The following POLR3F variants were observed in gnomAD, a reference collection of about 807,000 sequenced individuals.
POLR3F encodes DNA-directed RNA polymerase III subunit RPC6.
In POLR3F, 31 loss-of-function variants were observed where a neutral mutation model predicts 43.6. The ratio of observed to expected loss-of-function variants is 0.71; its 90% CI spans 0.53 to 0.96. POLR3F has a LOEUF of 0.96. POLR3F is among the 40% of genes least tolerant of loss of function. The pLI, the probability that POLR3F is intolerant of heterozygous loss-of-function variation, is 0.00. For missense variants in POLR3F, 316 were observed against 391.7 expected (o/e 0.81, Z 1.63); for synonymous variants, 114 against 132.5 (o/e 0.86, Z 0.96).
At chr20:18,479,926 G>A in intron 5 of POLR3F, 112 bp from the exon 6 acceptor site, 1 of 712,984 alleles carries the variant, frequency 1.4e-6, no homozygotes, top group Non-Finnish European at 2.3e-6. Context: ...GGAGCTCTGT[G>A]TACTATCTTT....
intron 5 of POLR3F, among the ~76,000 whole-genome samples, chr20:18,477,897 T>C (rs1271698466): frequency 6.6e-6 from 1 of 150,418 alleles, no homozygotes; most frequent in African/African-American, 2.5e-5. Context: ...AAGTTTTTAT[T>C]AGGGTTTCAT....
chr20:18,482,674 C>CT (rs2059816960), intron 8 of POLR3F, among the ~76,000 whole-genome samples: 1 of 152,164 alleles, frequency 6.6e-6, no homozygotes, highest in Non-Finnish European at 1.5e-5. Flanking sequence ...GCTCTAGGCA[C>CT]TAAGGATACA....
intron 4 of POLR3F, 33 bp from the exon 5 acceptor site, chr20:18,475,042 G>T (rs1223999108): frequency 2.3e-6 from 2 of 866,480 alleles, no homozygotes; most frequent in South Asian, 2.9e-5. Context: ...ATGAAAACCA[G>T]AGTTCAACTT....
In POLR3F at chr20:18,481,772, C is replaced by T; in HGVS notation, c.835C>T (p.Pro279Ser). The T allele has an allele frequency of 6.2e-7, 1 of 1,613,840 alleles. No homozygotes were observed. The highest frequency in any genetic ancestry group is 8.5e-7 in the Non-Finnish European group (1 of 1,179,758). Reference protein sequence around the residue: ...LYRAVNPIIPPTGLVRAPCGL... With the variant: ...LYRAVNPIIPSTGLVRAPCGL... ...CAGGGCAGTCAATCCAATCATCCCTCCCACAGGTTTGGTCCGGGCACCCTG... is the reference window on the plus strand; with the variant it reads ...CAGGGCAGTCAATCCAATCATCCCTTCCACAGGTTTGGTCCGGGCACCCTG... Residue 279 changes from proline (P) to serine (S), a missense_variant, in exon 8 of 9, where the codon CCC becomes TCC. Physicochemically the swap from Pro to Ser is moderately conservative, Grantham distance 74 (BLOSUM62 -1). Transcript: ENST00000377603.
At chr20:18,479,323 C>T (rs897518676) in intron 5 of POLR3F, among the ~76,000 whole-genome samples, 8 of 151,482 alleles carry the variant, frequency 5.3e-5, no homozygotes, top group Non-Finnish European at 8.8e-5. Context: ...GTGACACCCC[C>T]GTCTCTGCTA....
At chr20:18,469,424 T>C in intron 2 of POLR3F, 2 of 184,110 alleles carry the variant, frequency 1.1e-5, no homozygotes, top group South Asian at 1.1e-4. Flanking sequence ...AGACTTGGAC[T>C]GGTATCTACA....
chr20:18,480,652 C>T (rs1043736556), intron 7 of POLR3F, 143 bp downstream of exon 7: 1 of 641,138 alleles, frequency 1.6e-6, no homozygotes, highest in Admixed American at 2.8e-5. Context: ...TGGGAAAATA[C>T]TGTCCTGTAT....
chr20:18,483,879 A>G lies in POLR3F; in HGVS notation c.*321A>G. 1 of 393,446 alleles carries G rather than the reference A, an allele frequency of 2.5e-6. No homozygotes were observed. Among genetic ancestry groups the G allele is most frequent in the Non-Finnish European group, 4.5e-6 (1 of 223,780 alleles). The allele number at this position is 393,446 out of a possible 1,614,324, so 24.4% of individuals were successfully genotyped here. ...AGATGCCAACATACCCGTATTTACC[A>G]AGTACTATGATAATGGCTAGAGTAT... On this transcript the variant is annotated 3_prime_UTR_variant, in exon 9 of 9. Transcript: ENST00000377603.
intron 5 of POLR3F, among the ~76,000 whole-genome samples, chr20:18,479,183 G>A (rs2059796078): frequency 6.6e-6 from 1 of 151,478 alleles, no homozygotes; most frequent in African/African-American, 2.4e-5. Flanking sequence ...TTGACATCTT[G>A]TAGTGCTAGA....
chr20:18,483,820 A>T lies in POLR3F; in HGVS notation c.*262A>T. The T allele has an allele frequency of 2.5e-6, 1 of 399,244 alleles. No individual in the cohort carries two copies. The highest frequency in any genetic ancestry group is 4.4e-6 in the Non-Finnish European group (1 of 227,962). 24.7% of individuals were successfully genotyped at this position (399,244 alleles called of 1,614,324 possible). The stretch of plus-strand genomic sequence containing the variant: ...AAACACTTTGAAACTCCGGAGGACC[A>T]CATCTTTCAAGACTTCTGATGGGTC... On this transcript the variant is annotated 3_prime_UTR_variant, in exon 9 of 9. Transcript: ENST00000377603.
chr20:18,469,358 A>G lies in POLR3F; in HGVS notation c.180+297A>G, dbSNP rs143749682. ...AGATTGAATTCACTCTTTGAATTCA[A>G]TCTTGAGCTGGGCTATGAATCTTGT... is the stretch of plus-strand genomic sequence containing the variant. On this transcript the variant is annotated intron_variant, in intron 2 of 8. Transcript: ENST00000377603. 12 of 262,222 alleles carry G rather than the reference A, an allele frequency of 4.6e-5. 1 individual carries two copies. In the East Asian group the frequency reaches 5.7e-4, roughly 12 times the overall value. The allele number at this position is 262,222 out of a possible 1,614,324, so 16.2% of individuals were successfully genotyped here.
At chr20:18,469,396 C>A in intron 2 of POLR3F, 1 of 209,642 alleles carries the variant, frequency 4.8e-6, no homozygotes, top group South Asian at 7.9e-5. Context: ...CCTCAGCACT[C>A]CTGGTTCTCA....
chr20:18,483,069 TC>T (rs1429536376), intron 8 of POLR3F, among the ~76,000 whole-genome samples: 1 of 151,674 alleles, frequency 6.6e-6, no homozygotes, highest in Non-Finnish European at 1.5e-5. Context: ...TTCTTCCCGC[TC>T]CCCCCTCGCC....
In POLR3F at chr20:18,480,562, A is replaced by G. The variant is rs371807850; in HGVS notation, c.681+53A>G. On this transcript the variant is annotated intron_variant, in intron 7 of 8. Coordinates refer to ENST00000377603, the MANE Select transcript of POLR3F (RefSeq NM_006466.4). ...TAAAACTTATTCTTTGTCACATACA[A>G]TGTATTCCAAACATGTATTTGACCC... 12 of 1,020,042 alleles carry G rather than the reference A, an allele frequency of 1.2e-5. No homozygotes were observed. In the East Asian group the frequency reaches 2.2e-4, roughly 19 times the overall value. The allele number at this position is 1,020,042 out of a possible 1,614,324, so 63.2% of individuals were successfully genotyped here. A position where few individuals can be genotyped will look rare whatever the true frequency, so the allele number is the denominator to read the frequency against.
intron 3 of POLR3F, 143 bp from the exon 4 acceptor site, chr20:18,473,248 C>G: frequency 2.0e-6 from 1 of 490,450 alleles, no homozygotes; most frequent in Non-Finnish European, 3.8e-6. Context: ...ACAGCTCTGT[C>G]TCATTCTATT....
intron 2 of POLR3F, chr20:18,469,320 A>C (rs930052813): frequency 4.5e-5 from 16 of 353,732 alleles, no homozygotes; most frequent in African/African-American, 3.1e-4. Context: ...AAATAGAACA[A>C]AGTGGCAGAG....
At chr20:18,477,406 CAG>C (rs1045246839) in intron 5 of POLR3F, among the ~76,000 whole-genome samples, 10 of 152,148 alleles carry the variant, frequency 6.6e-5, no homozygotes, top group African/African-American at 2.4e-4. Flanking sequence ...CAAAACTAAA[CAG>C]AGTCTTACCA....
chr20:18,468,282 G>A (rs984333150), intron 1 of POLR3F, among the ~76,000 whole-genome samples: 3 of 152,086 alleles, frequency 2.0e-5, no homozygotes, highest in African/African-American at 7.2e-5. Context: ...TCACCATGTT[G>A]TCTGGGATGG....
chr20:18,482,647 G>T (rs1028575068), intron 8 of POLR3F, among the ~76,000 whole-genome samples: 2 of 152,242 alleles, frequency 1.3e-5, no homozygotes, highest in East Asian at 3.9e-4. Context: ...CCCAAATATT[G>T]TAAGTGCCAA....
Sources: gnomAD v4.1 joint callset for allele counts (sites outside exome capture counted in the v4.1 genomes callset) on GRCh38, gnomAD v4.1.1 for gene constraint, MANE v1.5 for transcripts, NCBI Gene and HGNC (gene_info 2026-07-23, HGNC 2026-07-21) for gene names.